Variants in ATP2B2 observed in about 807,000 individuals in gnomAD.
The protein encoded by ATP2B2 is plasma membrane calcium-transporting ATPase 2.
ATP2B2 carries 15 observed loss-of-function variants against 120.0 expected under a neutral mutation model. The observed-to-expected ratio is 0.12, with a 90% CI of 0.08 to 0.19. ATP2B2 has a LOEUF of 0.19. ATP2B2 is among the 10% of genes least tolerant of loss of function. The pLI, the probability that ATP2B2 is intolerant of heterozygous loss-of-function variation, is 1.00. For missense variants in ATP2B2, 1,045 were observed against 1,719.8 expected (o/e 0.61, Z 6.94); for synonymous variants, 694 against 700.3 (o/e 0.99, Z 0.14).
chr3:10,411,157 T>C (rs2062597648), intron 2 of ATP2B2, among the ~76,000 whole-genome samples: 1 of 152,134 alleles, frequency 6.6e-6, no homozygotes, highest in African/African-American at 2.4e-5. Context: ...CTAAATGCAA[T>C]GACAGGTGTC....
chr3:10,406,019 T>C (rs948288013), intron 3 of ATP2B2, among the ~76,000 whole-genome samples: 3 of 152,188 alleles, frequency 2.0e-5, no homozygotes, highest in Non-Finnish European at 4.4e-5. Context: ...TACAAAATGA[T>C]GTTGGTAGAG....
At chr3:10,586,542 T>C (rs934181796) in intron 2 of ATP2B2, among the ~76,000 whole-genome samples, 7 of 152,016 alleles carry the variant, frequency 4.6e-5, no homozygotes, top group African/African-American at 1.7e-4. Context: ...AGAGGAGAAG[T>C]GATGGGATTT....
At chr3:10,549,060 T>C (rs912359419) in intron 2 of ATP2B2, among the ~76,000 whole-genome samples, 2 of 152,208 alleles carry the variant, frequency 1.3e-5, no homozygotes, top group African/African-American at 4.8e-5. Context: ...ACTGATTAAA[T>C]GCACTGGCTC....
intron 1 of ATP2B2, among the ~76,000 whole-genome samples, chr3:10,625,484 A>C (rs13087643): frequency 0.41 from 61,634 of 152,014 alleles, 16,085 homozygotes; most frequent in Middle Eastern, 0.62. Flanking sequence ...TCAGATTCCC[A>C]TATTGGTTTC....
chr3:10,349,047 T>C (rs2060504793), intron 16 of ATP2B2, among the ~76,000 whole-genome samples: 1 of 152,244 alleles, frequency 6.6e-6, no homozygotes, highest in Admixed American at 6.5e-5. Context: ...TGATCTCCAG[T>C]GGAGCCCTGC....
intron 22 of ATP2B2, chr3:10,330,238 G>A (rs778442726): frequency 6.5e-6 from 1 of 154,742 alleles, no homozygotes. Flanking sequence ...TGGTCATTGA[G>A]TCTTCAAGGC....
chr3:10,372,147 C>G (rs575164050), intron 11 of ATP2B2, 96 bp from the exon 12 acceptor site: 110 of 1,546,702 alleles, frequency 7.1e-5, no homozygotes, highest in Admixed American at 3.6e-4. Flanking sequence ...GTAAATAAGG[C>G]AGAGCCACCA....
At chr3:10,394,371 T>C (rs2124921649) in intron 5 of ATP2B2, 1 of 464,112 alleles carries the variant, frequency 2.2e-6, no homozygotes, top group Non-Finnish European at 4.5e-6. Flanking sequence ...AACAGCCCCC[T>C]GAGGTAGGTT....
chr3:10,668,149 C>T (rs11128523), intron 1 of ATP2B2, among the ~76,000 whole-genome samples: 63,233 of 152,120 alleles, frequency 0.42, 15,968 homozygotes, highest in Non-Finnish European at 0.56. Context: ...GAGGGCAACG[C>T]GGGCAGCTCA....
At chr3:10,602,826 G>C (rs1175038806) in intron 2 of ATP2B2, among the ~76,000 whole-genome samples, 1 of 152,180 alleles carries the variant, frequency 6.6e-6, no homozygotes, top group Non-Finnish European at 1.5e-5. Flanking sequence ...ATTTGCCCAA[G>C]GTGAGCTCCT....
intron 1 of ATP2B2, among the ~76,000 whole-genome samples, chr3:10,466,519 T>C (rs1178478565): frequency 1.3e-5 from 2 of 152,120 alleles, no homozygotes; most frequent in African/African-American, 4.8e-5. Context: ...GTGGGGGTCT[T>C]AGTGTCTCAG....
rs543649324 is a variant in ATP2B2, at chr3:10,359,850, C to A, written c.1901+32G>T. 5 of 1,613,844 alleles carry A rather than the reference C, an allele frequency of 3.1e-6. No individual in the cohort carries two copies. In the South Asian group the frequency reaches 5.5e-5, roughly 18 times the overall value. On this transcript the variant is annotated intron_variant, in intron 13 of 22. Transcript: ENST00000360273. ...CCCAGCTCCCTGCACCAGGGCACAG[C>A]CCTCAGCCCCGGTGCCCTGCCCAGC... is the stretch of plus-strand genomic sequence containing the variant.
chr3:10,697,632 T>C (rs1259570891), intron 1 of ATP2B2, among the ~76,000 whole-genome samples: 2 of 152,146 alleles, frequency 1.3e-5, no homozygotes, highest in South Asian at 2.1e-4. Flanking sequence ...CCATGGCACA[T>C]ACAGTCTGCC....
intron 3 of ATP2B2, among the ~76,000 whole-genome samples, chr3:10,513,214 C>T (rs796658707): frequency 1.2e-4 from 19 of 152,126 alleles, no homozygotes; most frequent in African/African-American, 3.6e-4. Context: ...AGGGTTTCCT[C>T]GAGGGGGTGA....
intron 2 of ATP2B2, among the ~76,000 whole-genome samples, chr3:10,613,170 T>C (rs2069287763): frequency 6.6e-6 from 1 of 152,154 alleles, no homozygotes; most frequent in Non-Finnish European, 1.5e-5. Flanking sequence ...GTGAACACAA[T>C]GATGTTCCTG....
chr3:10,532,576 G>T (rs1251085451), intron 3 of ATP2B2, among the ~76,000 whole-genome samples: 1 of 152,242 alleles, frequency 6.6e-6, no homozygotes, highest in Non-Finnish European at 1.5e-5. Flanking sequence ...GTCAAAAGCT[G>T]CTGGGTTTAG....
intron 1 of ATP2B2, among the ~76,000 whole-genome samples, chr3:10,481,869 A>C (rs1188449768): frequency 6.6e-6 from 1 of 152,212 alleles, no homozygotes; most frequent in South Asian, 2.1e-4. Flanking sequence ...TATATTCTAA[A>C]AAATAACACT....
At position 10,429,340 on chromosome 3, in the gene ATP2B2, T is replaced by C. The variant is rs2063239558; in HGVS notation, c.200-18525A>G. On this transcript the variant is annotated intron_variant, in intron 2 of 22. Coordinates refer to ENST00000360273, the MANE Select transcript of ATP2B2 (RefSeq NM_001001331.4). ...ACAAATTGAAGGTTTGCGGCAACCCTGCATTGAGCAAGTCTATAGGTGCCA... is the reference window on the plus strand; with the variant it reads ...ACAAATTGAAGGTTTGCGGCAACCCCGCATTGAGCAAGTCTATAGGTGCCA... 2.0e-5 allele frequency among the ~76,000 whole-genome samples: 3 copies of C among 152,260 alleles called. No homozygotes were observed. In the South Asian group the frequency reaches 6.2e-4, roughly 32 times the overall value.
Position 10,358,867 on chromosome 3 carries a change from C to T in ATP2B2, c.1960G>A (p.Asp654Asn). 1 of 1,614,164 alleles carries T rather than the reference C, an allele frequency of 6.2e-7. No homozygotes were observed. The highest frequency in any genetic ancestry group is 8.5e-7 in the Non-Finnish European group (1 of 1,180,038). The change falls in exon 14 of 23, where the codon GAC becomes AAC. Residue 654 changes from aspartate (D) to asparagine (N), a missense_variant. Around this residue, in one of 11 missense-constraint regions of ATP2B2, gnomAD observed 343 missense variants for 536.8 expected, o/e 0.64. Coordinates refer to ENST00000360273, the MANE Select transcript of ATP2B2 (RefSeq NM_001001331.4). ...TCAATCACCTTCTTTACCATCTCGT[C>T]CCGGTCGCGGGGCCGGAAGACACGA... ...EPRVFRPRDR[D>N]EMVKKVIEPM...
Sources: gnomAD v4.1 joint callset for allele counts (sites outside exome capture counted in the v4.1 genomes callset) on GRCh38, gnomAD v4.1.1 for gene constraint, gnomAD v4.1.1 regional missense constraint, MANE v1.5 for transcripts, NCBI Gene and HGNC (gene_info 2026-07-23, HGNC 2026-07-21) for gene names.